Variants in SAE1 observed in about 807,000 individuals in gnomAD.
SAE1 encodes SUMO-activating enzyme subunit 1.
A neutral mutation model predicts 40.6 loss-of-function variants in SAE1; 11 were observed. The observed-to-expected ratio is 0.27, with a 90% CI of 0.17 to 0.45. The LOEUF (loss-of-function observed/expected upper bound fraction) is 0.45, where lower values mean the gene tolerates loss of function less well. Among genes scored for constraint, SAE1 ranks in the 20% least tolerant of loss-of-function variants. The pLI, the probability that SAE1 is intolerant of heterozygous loss-of-function variation, is 1.00. For missense variants in SAE1, 373 were observed against 427.3 expected (o/e 0.87, Z 1.12); for synonymous variants, 155 against 154.3 (o/e 1.00, Z -0.03).
intron 6 of SAE1, among the ~76,000 whole-genome samples, chr19:47,171,413 C>T (rs1187286093): frequency 6.6e-6 from 1 of 152,136 alleles, no homozygotes; most frequent in Non-Finnish European, 1.5e-5. Context: ...CCTGCCTCAG[C>T]CTCCCGAGTA....
chr19:47,177,479 C>T (rs545834086), intron 6 of SAE1, among the ~76,000 whole-genome samples: 1 of 152,218 alleles, frequency 6.6e-6, no homozygotes, highest in South Asian at 2.1e-4. Flanking sequence ...TCACCTCGAC[C>T]TGCAAAGTAG....
intron 4 of SAE1, among the ~76,000 whole-genome samples, chr19:47,154,826 A>G (rs2058310871): frequency 6.6e-6 from 1 of 152,198 alleles, no homozygotes; most frequent in Non-Finnish European, 1.5e-5. Context: ...TGATTCAAGT[A>G]GAGTGTTTAC....
In SAE1 at chr19:47,144,896, A is replaced by G. The variant is rs553008509; in HGVS notation, c.210+1291A>G. Reference sequence around the variant, plus strand: ...GCCCAGACTGGAGTGCAATGGCGCAATCTCCGCACACTGCAACCTCCGCTT... The same window carrying G: ...GCCCAGACTGGAGTGCAATGGCGCAGTCTCCGCACACTGCAACCTCCGCTT... On this transcript the variant is annotated intron_variant, in intron 2 of 8. Transcript: ENST00000270225. Among the ~76,000 whole-genome samples, 4 of 152,274 alleles carry G rather than the reference A, an allele frequency of 2.6e-5. No homozygotes were observed. In the East Asian group the frequency reaches 7.7e-4, roughly 29 times the overall value.
At chr19:47,204,065 A>G (rs1223060839) in intron 8 of SAE1, among the ~76,000 whole-genome samples, 1 of 151,758 alleles carries the variant, frequency 6.6e-6, no homozygotes, top group Non-Finnish European at 1.5e-5. Flanking sequence ...TCTATAAGTG[A>G]GTACTATCAT....
intron 3 of SAE1, among the ~76,000 whole-genome samples, chr19:47,150,890 G>C (rs975740364): frequency 1.3e-5 from 2 of 152,138 alleles, no homozygotes; most frequent in Non-Finnish European, 2.9e-5. Flanking sequence ...TGGATAACTA[G>C]AGAAAAATCA....
At chr19:47,135,492 T>C (rs2058172920) in intron 1 of SAE1, 1 of 152,184 alleles carries the variant, frequency 6.6e-6, no homozygotes, top group Non-Finnish European at 1.5e-5. Flanking sequence ...TCCCTGTTGT[T>C]GTAAATGACA....
intron 7 of SAE1, among the ~76,000 whole-genome samples, chr19:47,200,647 T>G (rs2058647805): frequency 2.0e-5 from 3 of 152,152 alleles, no homozygotes; most frequent in African/African-American, 7.2e-5. Flanking sequence ...ACTTCTGGGA[T>G]AGACAGGCGT....
At position 47,140,155 on chromosome 19, in the gene SAE1, G is replaced by A. The variant is rs142635049; in HGVS notation, c.99-3339G>A. Among the ~76,000 whole-genome samples, 1,066 of 149,142 alleles carry A rather than the reference G, an allele frequency of 7.1e-3. 10 individuals carry two copies. The highest frequency in any genetic ancestry group is 0.025 in the African/African-American group (1,029 of 40,434). On this transcript the variant is annotated intron_variant, in intron 1 of 8. Coordinates refer to ENST00000270225, the MANE Select transcript of SAE1 (RefSeq NM_005500.3). ...AGACCCTTGTTCTGTTGCCCAGGAT[G>A]GAATGCAGTGGCGCCATCTCGGCTC... is the stretch of plus-strand genomic sequence containing the variant.
At chr19:47,162,741 A>T (rs1368655368) in intron 5 of SAE1, among the ~76,000 whole-genome samples, 2 of 152,186 alleles carry the variant, frequency 1.3e-5, no homozygotes, top group Non-Finnish European at 2.9e-5. Context: ...CTGTAATCCC[A>T]GCACTTTGGG....
At chr19:47,149,160 C>G (rs1384568477) in intron 2 of SAE1, among the ~76,000 whole-genome samples, 1 of 126,648 alleles carries the variant, frequency 7.9e-6, no homozygotes, top group African/African-American at 3.0e-5. Flanking sequence ...CTGCACTGGT[C>G]TACTTTTTTT....
chr19:47,176,586 C>T (rs1375016216), intron 6 of SAE1, among the ~76,000 whole-genome samples: 1 of 152,206 alleles, frequency 6.6e-6, no homozygotes, highest in Admixed American at 6.5e-5. Context: ...GCCTGCATGC[C>T]TACCCCTGTG....
At chr19:47,151,392 C>G (rs891733821) in intron 3 of SAE1, among the ~76,000 whole-genome samples, 2 of 152,070 alleles carry the variant, frequency 1.3e-5, no homozygotes, top group Non-Finnish European at 2.9e-5. Flanking sequence ...CTCAGGTAAT[C>G]CACCTGCCTC....
At chr19:47,187,453 A>G (rs1323633249) in intron 6 of SAE1, among the ~76,000 whole-genome samples, 1 of 152,200 alleles carries the variant, frequency 6.6e-6, no homozygotes, top group African/African-American at 2.4e-5. Flanking sequence ...GAACCATCCC[A>G]GATAGCTTGA....
intron 6 of SAE1, among the ~76,000 whole-genome samples, chr19:47,171,889 G>A (rs1224130742): frequency 6.6e-5 from 10 of 151,440 alleles, no homozygotes; most frequent in Non-Finnish European, 8.9e-5. Flanking sequence ...AGGCATGGTA[G>A]TTTTTTAAAA....
At chr19:47,190,315 G>A (rs2058570864) in intron 6 of SAE1, among the ~76,000 whole-genome samples, 1 of 151,986 alleles carries the variant, frequency 6.6e-6, no homozygotes, top group South Asian at 2.1e-4. Context: ...CTGGTGGGAG[G>A]TGCTCTTCAG....
chr19:47,163,266 A>T (rs892647084), intron 5 of SAE1, among the ~76,000 whole-genome samples: 2 of 148,778 alleles, frequency 1.3e-5, no homozygotes, highest in Non-Finnish European at 2.9e-5. Context: ...AAAAAAAAAG[A>T]AAATTGAAAT....
chr19:47,160,851 A>G (rs768249064), intron 5 of SAE1, among the ~76,000 whole-genome samples: 1 of 152,156 alleles, frequency 6.6e-6, no homozygotes. Flanking sequence ...TATTAATATC[A>G]GAACTACTTG....
At chr19:47,143,380 C>G in intron 1 of SAE1, 114 bp from the exon 2 acceptor site, 1 of 747,354 alleles carries the variant, frequency 1.3e-6, no homozygotes. Context: ...GCTGGGATTA[C>G]AGGCATGAGC....
At chr19:47,192,931 A>G (rs1319801635) in intron 6 of SAE1, among the ~76,000 whole-genome samples, 1 of 152,104 alleles carries the variant, frequency 6.6e-6, no homozygotes, top group Non-Finnish European at 1.5e-5. Context: ...CCCTGCCCCA[A>G]AATGGTTACT....
Sources: allele counts gnomAD v4.1 joint callset (sites outside exome capture counted in the v4.1 genomes callset), GRCh38; gene constraint gnomAD v4.1.1; transcripts MANE v1.5; gene names NCBI Gene and HGNC (gene_info 2026-07-23, HGNC 2026-07-21).